Variants in SOCS3 observed in about 807,000 individuals in gnomAD.
SOCS3 encodes STAT-induced STAT inhibitor 3.
SOCS3 carries 5 observed loss-of-function variants against 11.7 expected under a neutral mutation model. That is an observed-to-expected ratio of 0.43 (90% CI 0.22 to 0.90). The LOEUF is 0.90. SOCS3 is among the 40% of genes least tolerant of loss of function. The pLI, the probability that SOCS3 is intolerant of heterozygous loss-of-function variation, is 0.27. For missense variants in SOCS3, 203 were observed against 302.0 expected (o/e 0.67, Z 2.43); for synonymous variants, 143 against 136.3 (o/e 1.05, Z -0.34).
In SOCS3 at chr17:78,358,874, C is replaced by T. The variant is rs1307368970; in HGVS notation, c.222G>A (p.Ser74=). Residue 74 remains serine, a synonymous_variant, in exon 2 of 2, where the codon TCG becomes TCA. Coordinates refer to ENST00000330871, the MANE Select transcript of SOCS3 (RefSeq NM_003955.5). The surrounding 1 kb of genome is among the most constrained non-coding windows in gnomAD (Gnocchi z 4.7). ...TGAGCGTGAAGAAGTGGCGCTGGTC[C>T]GAGCTGTCGCGGATCAGAAAGGTGC... ...PAGTFLIRDS[S]DQRHFFTLSV... 1.2e-6 allele frequency: 2 copies of T among 1,611,716 alleles called. No individual in the cohort carries two copies. The highest frequency in any genetic ancestry group is 1.7e-6 in the Non-Finnish European group (2 of 1,179,376).
Position 78,358,206 on chromosome 17 carries a change from C to T in SOCS3, c.*212G>A, listed in dbSNP as rs1457710134. On this transcript the variant is annotated 3_prime_UTR_variant, in exon 2 of 2. Transcript: ENST00000330871. The surrounding 1 kb of genome is among the most constrained non-coding windows in gnomAD (Gnocchi z 4.7). ...CTGGCTCCTCCGGAGAAGCTGGAGA[C>T]TCAGGTGGTACTCCCCCTTCCCTCC... is the stretch of plus-strand genomic sequence containing the variant. 8 of 572,976 alleles carry T rather than the reference C, an allele frequency of 1.4e-5. No individual in the cohort carries two copies. The highest frequency in any genetic ancestry group is 3.1e-5 in the Admixed American group (1 of 32,760). The allele number at this position is 572,976 out of a possible 1,614,324, so 35.5% of individuals were successfully genotyped here.
Position 78,359,181 on chromosome 17 carries a change from G to A in SOCS3, c.-86C>T. 1.4e-6 allele frequency: 2 copies of A among 1,398,050 alleles called. No homozygotes were observed. Among genetic ancestry groups the A allele is most frequent in the Non-Finnish European group, 1.9e-6 (2 of 1,050,004 alleles). The allele number at this position is 1,398,050 out of a possible 1,614,324, so 86.6% of individuals were successfully genotyped here. A position where few individuals can be genotyped will look rare whatever the true frequency, so the allele number is the denominator to read the frequency against. ...ACAGCGGCCGCTACCGCATCCCGGGGGGCTGCGGAGAGGAAGGCGCGAGCG... is the reference window on the plus strand; with the variant it reads ...ACAGCGGCCGCTACCGCATCCCGGGAGGCTGCGGAGAGGAAGGCGCGAGCG... On this transcript the variant is annotated splice_region_variant and 5_prime_UTR_variant, in exon 2 of 2. Coordinates refer to ENST00000330871, the MANE Select transcript of SOCS3 (RefSeq NM_003955.5).
At chr17:78,360,292 G>A (rs1273679591), upstream of SOCS3, among the ~76,000 whole-genome samples, 1 of 150,742 alleles carries the variant, frequency 6.6e-6, no homozygotes, top group Non-Finnish European at 1.5e-5. The surrounding 1 kb of genome is among the most constrained non-coding windows in gnomAD (Gnocchi z 5.6). Flanking sequence ...AAAGCGCGAC[G>A]AGAGGCGGCC....
Position 78,358,486 on chromosome 17 carries a change from A to C in SOCS3, c.610T>G (p.Tyr204Asp). 6.2e-7 allele frequency: 1 copy of C among 1,613,770 alleles called. No homozygotes were observed. ...CCCGGCAGCTGGGTGACTTTCTCAT[A>C]GGAGTCCAGGTGGCCGTTGACGGTC... is the stretch of plus-strand genomic sequence containing the variant. ...RKTVNGHLDS[Y>D]EKVTQLPGPI... Residue 204 changes from tyrosine to aspartate, a missense_variant, in exon 2 of 2, where the codon TAT (tyrosine) becomes GAT (aspartate). Physicochemically the swap from Tyr to Asp is radical, Grantham distance 160. Transcript: ENST00000330871. This position sits in a 1 kb window ranked among gnomAD's most constrained non-coding sequence, Gnocchi z 4.7.
Position 78,359,115 on chromosome 17 carries a change from G to T in SOCS3, c.-20C>A. On this transcript the variant is annotated 5_prime_UTR_variant, in exon 2 of 2. Coordinates refer to ENST00000330871, the MANE Select transcript of SOCS3 (RefSeq NM_003955.5). ...GACCATGGCGCACGGAGCCAGCGTG[G>T]ATCTGCGCGGCGGCGGCTGCAGCTG... 6.5e-7 allele frequency: 1 copy of T among 1,537,462 alleles called. No individual in the cohort carries two copies. Among genetic ancestry groups the T allele is most frequent in the Non-Finnish European group, 8.8e-7 (1 of 1,139,958 alleles).
chr17:78,360,577 A>G (rs1031400533), upstream of SOCS3: 1 of 152,072 alleles, frequency 6.6e-6, no homozygotes, highest in Admixed American at 6.5e-5. The surrounding 1 kb of genome is among the most constrained non-coding windows in gnomAD (Gnocchi z 5.6). Context: ...CGAGGGCCCA[A>G]CTGCGGGTCA....
Position 78,358,510 on chromosome 17 carries a change from T to C in SOCS3, c.586A>G (p.Thr196Ala), listed in dbSNP as rs1450722758. 1 of 1,613,486 alleles carries C rather than the reference T, an allele frequency of 6.2e-7. No individual in the cohort carries two copies. Among genetic ancestry groups the C allele is most frequent in the Admixed American group, 1.7e-5 (1 of 59,988 alleles). The change falls in exon 2 of 2, where the codon ACC becomes GCC. Residue 196 changes from threonine to alanine, a missense_variant. Physicochemically the swap from Thr to Ala is moderately conservative, Grantham distance 58. This residue lies in a region of SOCS3 where 141 missense variants were observed against 200.5 expected (regional missense o/e 0.70). Coordinates refer to ENST00000330871, the MANE Select transcript of SOCS3 (RefSeq NM_003955.5). This position sits in a 1 kb window ranked among gnomAD's most constrained non-coding sequence, Gnocchi z 4.7. ...TAGGAGTCCAGGTGGCCGTTGACGG[T>C]CTTCCGACAGAGATGCTGAAGAGTG... ...VATLQHLCRK[T>A]VNGHLDSYEK...
Position 78,358,553 on chromosome 17 carries a change from G to A in SOCS3, c.543C>T (p.Pro181=), listed in dbSNP as rs765819803. The A allele has an allele frequency of 3.1e-6, 5 of 1,613,354 alleles. No homozygotes were observed. Among genetic ancestry groups the A allele is most frequent in the Middle Eastern group, 3.3e-4 (2 of 6,084 alleles). The change falls in exon 2 of 2, where the codon CCC becomes CCT. Residue 181 remains proline (P), a synonymous_variant. Coordinates refer to ENST00000330871, the MANE Select transcript of SOCS3 (RefSeq NM_003955.5). This position sits in a 1 kb window ranked among gnomAD's most constrained non-coding sequence, Gnocchi z 4.7. ...GEKIPLVLSR[P]LSSNVATLQH... ...GAAGAGTGGCCACGTTGGAGGAGAG[G>A]GGCCGGCTCAACACCAGGGGGATCT...
chr17:78,359,199 C>T lies in SOCS3; in HGVS notation c.-88-16G>A. The stretch of plus-strand genomic sequence containing the variant: ...TCCCGGGGGGCTGCGGAGAGGAAGG[C>T]GCGAGCGCGTTGAGTGCCCGGAACC... On this transcript the variant is annotated splice_polypyrimidine_tract_variant and intron_variant, in intron 1 of 1. Transcript: ENST00000330871. The T allele has an allele frequency of 1.5e-6, 2 of 1,293,160 alleles. No individual in the cohort carries two copies. Among genetic ancestry groups the T allele is most frequent in the Non-Finnish European group, 2.1e-6 (2 of 965,244 alleles). The allele number at this position is 1,293,160 out of a possible 1,614,324, so 80.1% of individuals were successfully genotyped here.
chr17:78,358,371 GGCCTGCGTCCCCTCTCCCGACCCAT>G lies in SOCS3; in HGVS notation c.*22_*46del. 6.3e-7 allele frequency: 1 copy of G among 1,588,218 alleles called. No homozygotes were observed. Among genetic ancestry groups the G allele is most frequent in the South Asian group, 1.1e-5 (1 of 90,450 alleles). Reference sequence around the variant, plus strand: ...TGTGCCATGTGCCACGGAGGAGAGGGGCCTGCGTCCCCTCTCCCGACCCATGCCCTTTGCGCCCTTTACCCCTTAA... The same window carrying G: ...TGTGCCATGTGCCACGGAGGAGAGGGGCCCTTTGCGCCCTTTACCCCTTAA... On this transcript the variant is annotated 3_prime_UTR_variant, in exon 2 of 2. Coordinates refer to ENST00000330871, the MANE Select transcript of SOCS3 (RefSeq NM_003955.5). This position sits in a 1 kb window ranked among gnomAD's most constrained non-coding sequence, Gnocchi z 4.7.
At position 78,356,820 on chromosome 17, in the gene SOCS3, A is replaced by G. The variant is rs1027677632; in HGVS notation, c.*1598T>C. 1 of 152,172 alleles carries G rather than the reference A, an allele frequency of 6.6e-6. No individual in the cohort carries two copies. The highest frequency in any genetic ancestry group is 2.4e-5 in the African/African-American group (1 of 41,332). The allele number at this position is 152,172 out of a possible 1,614,324, so 9.4% of individuals were successfully genotyped here. A position where few individuals can be genotyped will look rare whatever the true frequency, so the allele number is the denominator to read the frequency against. On this transcript the variant is annotated 3_prime_UTR_variant, in exon 2 of 2. Coordinates refer to ENST00000330871, the MANE Select transcript of SOCS3 (RefSeq NM_003955.5). The surrounding 1 kb of genome is among the most constrained non-coding windows in gnomAD (Gnocchi z 6.1). Reference sequence around the variant, plus strand: ...GTGCTCTTTATTATAAATTACTGAAATGTTTCTTTTCTGAATATAAATATA... The same window carrying G: ...GTGCTCTTTATTATAAATTACTGAAGTGTTTCTTTTCTGAATATAAATATA...
At position 78,358,940 on chromosome 17, in the gene SOCS3, G is replaced by T; in HGVS notation, c.156C>A (p.Thr52=). 1.3e-6 allele frequency: 2 copies of T among 1,589,112 alleles called. No homozygotes were observed. The highest frequency in any genetic ancestry group is 2.3e-5 in the South Asian group (2 of 88,170). Reference sequence around the variant, plus strand: ...TGAGCAGCAGGTTCGCCTCGCCGCCGGTCACTGCGCTCCAGTAGAAGCCGC... The same window carrying T: ...TGAGCAGCAGGTTCGCCTCGCCGCCTGTCACTGCGCTCCAGTAGAAGCCGC... ...QESGFYWSAV[T]GGEANLLLSA... Residue 52 remains threonine (T), a synonymous_variant, in exon 2 of 2, where the codon ACC becomes ACA. Transcript: ENST00000330871. This position sits in a 1 kb window ranked among gnomAD's most constrained non-coding sequence, Gnocchi z 4.7.
At chr17:78,360,344 C>T (rs2081602953), upstream of SOCS3, 1 of 150,766 alleles carries the variant, frequency 6.6e-6, no homozygotes, top group South Asian at 2.1e-4. The surrounding 1 kb of genome is among the most constrained non-coding windows in gnomAD (Gnocchi z 5.6). Flanking sequence ...GCGGCGCGTT[C>T]CTGGCAGCGG....
At position 78,359,106 on chromosome 17, in the gene SOCS3, G is replaced by A; in HGVS notation, c.-11C>T. ...GCTGTGGGTGACCATGGCGCACGGA[G>A]CCAGCGTGGATCTGCGCGGCGGCGG... On this transcript the variant is annotated 5_prime_UTR_variant, in exon 2 of 2. Coordinates refer to ENST00000330871, the MANE Select transcript of SOCS3 (RefSeq NM_003955.5). The A allele has an allele frequency of 6.5e-7, 1 of 1,548,514 alleles. No individual in the cohort carries two copies. Among genetic ancestry groups the A allele is most frequent in the Non-Finnish European group, 8.7e-7 (1 of 1,146,502 alleles).
chr17:78,358,472 G>C lies in SOCS3; in HGVS notation c.624C>G (p.Thr208=), dbSNP rs761678217. The change falls in exon 2 of 2, where the codon ACC becomes ACG. Residue 208 remains threonine, a synonymous_variant. Coordinates refer to ENST00000330871, the MANE Select transcript of SOCS3 (RefSeq NM_003955.5). The surrounding 1 kb of genome is among the most constrained non-coding windows in gnomAD (Gnocchi z 4.7). ...NGHLDSYEKV[T]QLPGPIREFL... is the part of the protein sequence containing the mutation. Reference sequence around the variant, plus strand: ...ACTCCCGAATGGGCCCCGGCAGCTGGGTGACTTTCTCATAGGAGTCCAGGT... The same window carrying C: ...ACTCCCGAATGGGCCCCGGCAGCTGCGTGACTTTCTCATAGGAGTCCAGGT... 2.5e-6 allele frequency: 4 copies of C among 1,613,856 alleles called. No individual in the cohort carries two copies. The highest frequency in any genetic ancestry group is 1.7e-6 in the Non-Finnish European group (2 of 1,179,998).
Position 78,358,982 on chromosome 17 carries a change from C to T in SOCS3, c.114G>A (p.Val38=). The T allele has an allele frequency of 6.3e-7, 1 of 1,578,440 alleles. No individual in the cohort carries two copies. The highest frequency in any genetic ancestry group is 2.3e-5 in the East Asian group (1 of 43,206). The change falls in exon 2 of 2, where the codon GTG becomes GTA. Residue 38 remains valine (V), a synonymous_variant. Coordinates refer to ENST00000330871, the MANE Select transcript of SOCS3 (RefSeq NM_003955.5). This position sits in a 1 kb window ranked among gnomAD's most constrained non-coding sequence, Gnocchi z 4.7. ...KSEYQLVVNA[V]RKLQESGFYW... is the part of the protein sequence containing the mutation. ...AGAAGCCGCTCTCCTGCAGCTTGCG[C>T]ACTGCGTTCACCACCAGCTGGTACT...
At position 78,358,949 on chromosome 17, in the gene SOCS3, G is replaced by C. The variant is rs768332844; in HGVS notation, c.147C>G (p.Ser49Arg). ...GGTTCGCCTCGCCGCCGGTCACTGC[G>C]CTCCAGTAGAAGCCGCTCTCCTGCA... The part of the protein sequence containing the change: ...RKLQESGFYW[S>R]AVTGGEANLL... The change falls in exon 2 of 2, where the codon AGC becomes AGG. Residue 49 changes from serine to arginine, a missense_variant. Transcript: ENST00000330871. This position sits in a 1 kb window ranked among gnomAD's most constrained non-coding sequence, Gnocchi z 4.7. 1.3e-6 allele frequency: 2 copies of C among 1,586,982 alleles called. No homozygotes were observed. The highest frequency in any genetic ancestry group is 1.8e-5 in the Admixed American group (1 of 55,304).
In SOCS3 at chr17:78,358,266, G is replaced by A. The variant is rs1171552729; in HGVS notation, c.*152C>T. 8.7e-6 allele frequency: 6 copies of A among 693,068 alleles called. No individual in the cohort carries two copies. The highest frequency in any genetic ancestry group is 1.8e-5 in the African/African-American group (1 of 55,668). The allele number at this position is 693,068 out of a possible 1,614,324, so 42.9% of individuals were successfully genotyped here. ...CAGGTCCGCCTGCCACATTCTGCAG[G>A]GAGAGGGCAGAGGGAGGGGCCTGTC... On this transcript the variant is annotated 3_prime_UTR_variant, in exon 2 of 2. Transcript: ENST00000330871. This position sits in a 1 kb window ranked among gnomAD's most constrained non-coding sequence, Gnocchi z 4.7.
In SOCS3 at chr17:78,357,915, T is replaced by G. The variant is rs2081579768; in HGVS notation, c.*503A>C. 2 of 157,146 alleles carry G rather than the reference T, an allele frequency of 1.3e-5. No homozygotes were observed. The highest frequency in any genetic ancestry group is 1.4e-5 in the Non-Finnish European group (1 of 70,900). The allele number at this position is 157,146 out of a possible 1,614,324, so 9.7% of individuals were successfully genotyped here. A position where few individuals can be genotyped will look rare whatever the true frequency, so the allele number is the denominator to read the frequency against. On this transcript the variant is annotated 3_prime_UTR_variant, in exon 2 of 2. Coordinates refer to ENST00000330871, the MANE Select transcript of SOCS3 (RefSeq NM_003955.5). The surrounding 1 kb of genome is among the most constrained non-coding windows in gnomAD (Gnocchi z 7.0). ...ATGTCACCAGGATCCTCGCCTGGGGTGGGCGGGGGGTGTGACCATTTCCTT... is the reference window on the plus strand; with the variant it reads ...ATGTCACCAGGATCCTCGCCTGGGGGGGGCGGGGGGTGTGACCATTTCCTT...
Sources: allele counts gnomAD v4.1 joint callset (sites outside exome capture counted in the v4.1 genomes callset), GRCh38; gene constraint gnomAD v4.1.1; regional missense constraint gnomAD v4.1.1; non-coding constraint Gnocchi (gnomAD v3.1); transcripts MANE v1.5; gene names NCBI Gene and HGNC (gene_info 2026-07-23, HGNC 2026-07-21).